The following ZNF429 variants were observed in gnomAD, a reference collection of about 807,000 sequenced individuals.
ZNF429 encodes the protein zinc finger protein 429.
In ZNF429, 53 loss-of-function variants were observed where a neutral mutation model predicts 56.8. The ratio of observed to expected loss-of-function variants is 0.93; its 90% confidence interval spans 0.75 to 1.17. The LOEUF (loss-of-function observed/expected upper bound fraction) is 1.17, where lower values mean the gene tolerates loss of function less well. Among genes scored for constraint, ZNF429 ranks in the 50% most tolerant of loss-of-function variants. ZNF429 has a pLI of 0.00. For missense variants in ZNF429, 849 were observed against 788.4 expected, an observed-to-expected ratio of 1.08 and a Z score of -0.92; for synonymous variants, 278 against 264.7, an observed-to-expected ratio of 1.05 and a Z score of -0.49.
chr19:21,539,042 A>G lies in ZNF429; in HGVS notation c.*964A>G, dbSNP rs1484077701. On this transcript the variant is annotated 3_prime_UTR_variant, in exon 4 of 4. Transcript: ENST00000358491. ...TATTGGAGAAAAATCCAGCAAGTGT[A>G]ATAAATTTGGAAAAACTTTTTTTTC... is the stretch of plus-strand genomic sequence containing the variant. Among the ~76,000 whole-genome samples the G allele has an allele frequency of 6.6e-6, 1 of 152,212 alleles. No homozygotes were observed. Among genetic ancestry groups the G allele is most frequent in the Non-Finnish European group, 1.5e-5 (1 of 68,028 alleles).
rs1599492377 is a variant in ZNF429 at position 21,536,874 on chromosome 19, C to A, written c.821C>A (p.Thr274Asn). 3.1e-6 allele frequency: 5 copies of A among 1,607,604 alleles called. No homozygotes were observed. Among genetic ancestry groups the A allele is most frequent in the Non-Finnish European group, 4.2e-6 (5 of 1,177,950 alleles). The part of the protein sequence containing the change: ...KAFSRYSTLT[T>N]HKRIHSGEKP... ...TTTAGCAGGTACTCAACCCTTACTACCCATAAGAGAATTCATTCTGGAGAG... is the reference window on the plus strand; with the variant it reads ...TTTAGCAGGTACTCAACCCTTACTAACCATAAGAGAATTCATTCTGGAGAG... The change falls in exon 4 of 4, where the codon ACC (threonine) becomes AAC (asparagine). Residue 274 changes from threonine to asparagine, a missense_variant. Coordinates refer to ENST00000358491, the MANE Select transcript of ZNF429 (RefSeq NM_001001415.4).
intron 2 of ZNF429, among the ~76,000 whole-genome samples, chr19:21,530,200 A>C: frequency 6.6e-6 from 1 of 151,992 alleles, no homozygotes; most frequent in Admixed American, 6.6e-5. Flanking sequence ...CAAAAAAAAA[A>C]AAAAAAAAGT....
At position 21,530,639 on chromosome 19, in the gene ZNF429, G is replaced by T. The variant is rs1213555445; in HGVS notation, c.181G>T (p.Glu61Ter). The T allele has an allele frequency of 1.2e-6, 2 of 1,612,386 alleles. No individual in the cohort carries two copies. Among genetic ancestry groups the T allele is most frequent in the East Asian group, 2.2e-5 (1 of 44,820 alleles). Residue 61 changes from glutamate to a stop codon, truncating the protein, a stop_gained, in exon 3 of 4, where the codon GAA becomes TAA. Transcript: ENST00000358491. LOFTEE classifies it high-confidence loss of function. The part of the protein sequence containing the change: ...DLITCLEKEK[E>*]PCKMKRHEMV... ...AATCACTTGTCTAGAGAAAGAAAAA[G>T]AACCCTGCAAGATGAAGCGACATGA...
intron 1 of ZNF429, among the ~76,000 whole-genome samples, chr19:21,517,933 A>G (rs2032826719): frequency 6.6e-6 from 1 of 151,616 alleles, no homozygotes; most frequent in Admixed American, 6.6e-5. Context: ...AGATGGGACT[A>G]CGGGCACCCG....
intron 1 of ZNF429, among the ~76,000 whole-genome samples, chr19:21,506,970 G>T (rs1381317066): frequency 6.6e-6 from 1 of 151,998 alleles, no homozygotes; most frequent in South Asian, 2.1e-4. Flanking sequence ...GTTTCTCCGT[G>T]TTGGTCAGGC....
intron 1 of ZNF429, among the ~76,000 whole-genome samples, chr19:21,508,189 G>A (rs1276501362): frequency 6.6e-6 from 1 of 151,634 alleles, no homozygotes; most frequent in East Asian, 1.9e-4. Flanking sequence ...GTTGCGGTGA[G>A]CCGAGATCGT....
At chr19:21,510,176 A>G (rs1001469898) in intron 1 of ZNF429, among the ~76,000 whole-genome samples, 1 of 152,122 alleles carries the variant, frequency 6.6e-6, no homozygotes, top group Admixed American at 6.6e-5. Flanking sequence ...CATAGGGGTG[A>G]GCAAACAAGA....
chr19:21,533,422 T>C, intron 3 of ZNF429, among the ~76,000 whole-genome samples: 1 of 152,216 alleles, frequency 6.6e-6, no homozygotes, highest in East Asian at 1.9e-4. Context: ...TTGAACGTTT[T>C]CTCTGATGTG....
rs780683563 is a variant in ZNF429 at position 21,537,961 on chromosome 19, TACTC to T, written c.1910_1913del (p.Thr637AsnfsTer46). 4.3e-6 allele frequency: 7 copies of T among 1,614,070 alleles called. No homozygotes were observed. Among genetic ancestry groups the T allele is most frequent in the Non-Finnish European group, 5.9e-6 (7 of 1,180,032 alleles). On this transcript the variant is annotated frameshift_variant, in exon 4 of 4. Transcript: ENST00000358491. LOFTEE classifies it high-confidence loss of function. Reference sequence around the variant, plus strand: ...AAGCTTTTACCCGGTCTTCAAGACTTACTCAACATAAGAAAATTCATAGGATGGG... The same window carrying T: ...AAGCTTTTACCCGGTCTTCAAGACTTAACATAAGAAAATTCATAGGATGGG...
At chr19:21,535,437 T>TC in intron 3 of ZNF429, among the ~76,000 whole-genome samples, 3 of 49,694 alleles carry the variant, frequency 6.0e-5, no homozygotes, top group African/African-American at 3.5e-4. Context: ...TCTTTCTTTC[T>TC]TTCTTTCTTT....
At position 21,539,100 on chromosome 19, in the gene ZNF429, G is replaced by A. The variant is rs1249696111; in HGVS notation, c.*1022G>A. Among the ~76,000 whole-genome samples, 1 of 146,938 alleles carries A rather than the reference G, an allele frequency of 6.8e-6. No homozygotes were observed. The highest frequency in any genetic ancestry group is 1.5e-5 in the Non-Finnish European group (1 of 65,846). ...ACTATACCTCAGGAAACAATGGAGA[G>A]TTTATATTAACATATATTTTTGCAT... On this transcript the variant is annotated 3_prime_UTR_variant, in exon 4 of 4. Transcript: ENST00000358491.
chr19:21,532,945 T>C, intron 3 of ZNF429, among the ~76,000 whole-genome samples: 1 of 152,236 alleles, frequency 6.6e-6, no homozygotes, highest in African/African-American at 2.4e-5. Flanking sequence ...TCTGCCTGCC[T>C]CGGCCTCTCA....
intron 1 of ZNF429, among the ~76,000 whole-genome samples, chr19:21,522,536 A>T (rs910760848): frequency 6.6e-6 from 1 of 152,190 alleles, no homozygotes; most frequent in Non-Finnish European, 1.5e-5. Context: ...TGATATAAAC[A>T]TATTAGGTGC....
chr19:21,509,216 A>G (rs2032334215), intron 1 of ZNF429, among the ~76,000 whole-genome samples: 1 of 152,102 alleles, frequency 6.6e-6, no homozygotes, highest in Non-Finnish European at 1.5e-5. Flanking sequence ...CGTGTTGCCC[A>G]GGCTTGTCTC....
chr19:21,519,382 C>T (rs2032900916), intron 1 of ZNF429, among the ~76,000 whole-genome samples: 1 of 152,160 alleles, frequency 6.6e-6, no homozygotes. Flanking sequence ...GATGCCTGAG[C>T]AGGCCTGGAT....
chr19:21,535,444 CTTTCT>C, intron 3 of ZNF429, among the ~76,000 whole-genome samples: 1 of 44,454 alleles, frequency 2.2e-5, no homozygotes, highest in Non-Finnish European at 4.3e-5. Flanking sequence ...TTCTTTCTTT[CTTTCT>C]TTCTTTCTTT....
At chr19:21,510,097 CG>C in intron 1 of ZNF429, among the ~76,000 whole-genome samples, 1 of 151,868 alleles carries the variant, frequency 6.6e-6, no homozygotes. Flanking sequence ...TTAGTAGAGG[CG>C]GGGTTTCACC....
intron 1 of ZNF429, among the ~76,000 whole-genome samples, chr19:21,523,767 C>A (rs2033069239): frequency 6.6e-6 from 1 of 152,208 alleles, no homozygotes; most frequent in Non-Finnish European, 1.5e-5. Context: ...AAATAAACTG[C>A]CTACTTCTGT....
intron 1 of ZNF429, among the ~76,000 whole-genome samples, chr19:21,509,779 CAA>C (rs1158556816): frequency 6.6e-6 from 1 of 151,888 alleles, no homozygotes; most frequent in Non-Finnish European, 1.5e-5. Flanking sequence ...TAAAGTAGAA[CAA>C]AGTTAGATTT....
Sources: gnomAD v4.1 joint callset for allele counts (sites outside exome capture counted in the v4.1 genomes callset) on GRCh38, gnomAD v4.1.1 for gene constraint, MANE v1.5 for transcripts, NCBI Gene and HGNC (gene_info 2026-07-23, HGNC 2026-07-21) for gene names.